The following RFX2 variants were observed in gnomAD, a reference collection of about 807,000 sequenced individuals.
RFX2 encodes the protein regulatory factor X2.
A neutral mutation model predicts 87.8 loss-of-function variants in RFX2; 20 were observed. That is an observed-to-expected ratio of 0.23 (90% CI 0.16 to 0.33). RFX2 has a LOEUF of 0.33. Ranked by LOEUF, RFX2 falls within the 10% of genes least tolerant of loss-of-function variation. The probability of loss-of-function intolerance (pLI) is 1.00; values close to 1 mark genes in which losing one functional copy is unlikely to be tolerated. For missense variants in RFX2, 767 were observed against 1,012.3 expected (o/e 0.76, Z 3.29); for synonymous variants, 397 against 431.3 (o/e 0.92, Z 0.98).
At chr19:6,053,955 CA>C (rs553721219) in intron 1 of RFX2, among the ~76,000 whole-genome samples, 2,702 of 48,046 alleles carry the variant, frequency 0.056, 19 homozygotes, top group African/African-American at 0.13. Context: ...GACTCTATCT[CA>C]AAAAAAAAAA....
chr19:6,098,965 C>CAAAAAAAAAAAAAAAA (rs34110529), intron 1 of RFX2, among the ~76,000 whole-genome samples: 1 of 52,730 alleles, frequency 1.9e-5, no homozygotes, highest in Non-Finnish European at 4.3e-5. Context: ...GCTTGAACCA[C>CAAAAAAAAAAAAAAAA]AAAAAAAAAA....
intron 5 of RFX2, among the ~76,000 whole-genome samples, chr19:6,036,803 C>T (rs78740160): frequency 1.1e-3 from 170 of 152,280 alleles, no homozygotes; most frequent in Non-Finnish European, 1.7e-3. Flanking sequence ...GACAGACTGA[C>T]GGCTTTTCCC....
At chr19:6,041,096 T>C (rs1197298034) in intron 4 of RFX2, among the ~76,000 whole-genome samples, 1 of 151,962 alleles carries the variant, frequency 6.6e-6, no homozygotes, top group Non-Finnish European at 1.5e-5. Context: ...TGAGACAGGG[T>C]CTCCTTCTGT....
At chr19:6,059,716 C>T (rs1475050118) in intron 1 of RFX2, among the ~76,000 whole-genome samples, 2 of 151,922 alleles carry the variant, frequency 1.3e-5, no homozygotes, top group Non-Finnish European at 2.9e-5. Context: ...CACAAATATA[C>T]ATGGACATAC....
At chr19:6,070,828 C>T (rs2087596682) in intron 1 of RFX2, among the ~76,000 whole-genome samples, 1 of 152,194 alleles carries the variant, frequency 6.6e-6, no homozygotes, top group Non-Finnish European at 1.5e-5. Flanking sequence ...CTGCCTTAGC[C>T]TCCCATGTAG....
At position 6,001,690 on chromosome 19, in the gene RFX2, C is replaced by T. The variant is rs1381077619; in HGVS notation, c.1859+125G>A. 2.5e-6 allele frequency: 2 copies of T among 803,888 alleles called. No individual in the cohort carries two copies. The highest frequency in any genetic ancestry group is 3.5e-5 in the African/African-American group (2 of 56,698). 49.8% of individuals were successfully genotyped at this position (803,888 alleles called of 1,614,324 possible). A position where few individuals can be genotyped will look rare whatever the true frequency, so the allele number is the denominator to read the frequency against. The stretch of plus-strand genomic sequence containing the variant: ...GGTAGTTGTTTTTTGCGGGTTCAGA[C>T]ACTGCTGCAACTCTGCTGAGCCCTG... On this transcript the variant is annotated intron_variant, in intron 15 of 17. Coordinates refer to ENST00000303657, the MANE Select transcript of RFX2 (RefSeq NM_000635.4). This position sits in a 1 kb window ranked among gnomAD's most constrained non-coding sequence, Gnocchi z 5.6.
Position 6,039,340 on chromosome 19 carries a change from AG to A in RFX2, c.522+639del, listed in dbSNP as rs2087069636. Among the ~76,000 whole-genome samples the A allele has an allele frequency of 6.6e-6, 1 of 152,204 alleles. No individual in the cohort carries two copies. Among genetic ancestry groups the A allele is most frequent in the Admixed American group, 6.5e-5 (1 of 15,276 alleles). Reference sequence around the variant, plus strand: ...GTTGTGACTGCCAAGAAATACCACGAGGGGGTTTTCAGGGCAATGCACTGTT... The same window carrying A: ...GTTGTGACTGCCAAGAAATACCACGAGGGGTTTTCAGGGCAATGCACTGTT... On this transcript the variant is annotated intron_variant, in intron 5 of 17. Transcript: ENST00000303657. The surrounding 1 kb of genome is among the most constrained non-coding windows in gnomAD (Gnocchi z 5.2).
chr19:6,013,154 C>T lies in RFX2; in HGVS notation c.780-49G>A. ...CAGCTCCCTTTGCAGATGTCCTGAACAACAAGACAGGTTGGGATTCTTTTT... is the reference window on the plus strand; with the variant it reads ...CAGCTCCCTTTGCAGATGTCCTGAATAACAAGACAGGTTGGGATTCTTTTT... On this transcript the variant is annotated intron_variant, in intron 7 of 17. Coordinates refer to ENST00000303657, the MANE Select transcript of RFX2 (RefSeq NM_000635.4). This position sits in a 1 kb window ranked among gnomAD's most constrained non-coding sequence, Gnocchi z 4.1. 1 of 1,514,938 alleles carries T rather than the reference C, an allele frequency of 6.6e-7. No homozygotes were observed. Among genetic ancestry groups the T allele is most frequent in the East Asian group, 2.4e-5 (1 of 40,870 alleles). The allele number at this position is 1,514,938 out of a possible 1,614,324, so 93.8% of individuals were successfully genotyped here. A position where few individuals can be genotyped will look rare whatever the true frequency, so the allele number is the denominator to read the frequency against.
In RFX2 at chr19:6,001,866, G is replaced by A. The variant is rs771131239; in HGVS notation, c.1808C>T (p.Pro603Leu). Reference sequence around the variant, plus strand: ...CTGCCGGGCGGCCTTGGGGAAGCTGGGGCTGCCGGCATGCTGCTTCAGGAC... The same window carrying A: ...CTGCCGGGCGGCCTTGGGGAAGCTGAGGCTGCCGGCATGCTGCTTCAGGAC... ...TQVLKQHAGS[P>L]SFPKAARQFL... Residue 603 changes from proline to leucine, a missense_variant, in exon 15 of 18, where the codon CCC becomes CTC. Pro to Leu is a moderately conservative substitution (Grantham distance 98, BLOSUM62 -3). Transcript: ENST00000303657. The surrounding 1 kb of genome is among the most constrained non-coding windows in gnomAD (Gnocchi z 5.6). 5.1e-5 allele frequency: 82 copies of A among 1,613,006 alleles called. No individual in the cohort carries two copies. The highest frequency in any genetic ancestry group is 6.2e-5 in the Non-Finnish European group (73 of 1,179,736).
chr19:6,009,394 T>C (rs1163882927), intron 9 of RFX2, among the ~76,000 whole-genome samples: 1 of 151,944 alleles, frequency 6.6e-6, no homozygotes, highest in Non-Finnish European at 1.5e-5. Context: ...GGGGCAGAGA[T>C]GGCACCACCA....
chr19:6,006,917 T>C, intron 12 of RFX2, 95 bp downstream of exon 12: 2 of 1,416,616 alleles, frequency 1.4e-6, no homozygotes, highest in East Asian at 4.6e-5. Flanking sequence ...GTGAAAGCGA[T>C]GGTCTGAGGT....
Position 6,002,033 on chromosome 19 carries a change from G to A in RFX2, c.1651-10C>T. 1 of 1,594,524 alleles carries A rather than the reference G, an allele frequency of 6.3e-7. No homozygotes were observed. Among genetic ancestry groups the A allele is most frequent in the Non-Finnish European group, 8.5e-7 (1 of 1,170,774 alleles). On this transcript the variant is annotated splice_polypyrimidine_tract_variant and intron_variant, in intron 14 of 17. Coordinates refer to ENST00000303657, the MANE Select transcript of RFX2 (RefSeq NM_000635.4). The surrounding 1 kb of genome is among the most constrained non-coding windows in gnomAD (Gnocchi z 6.7). ...CCCACGAGGCCTGCTCCTGTGGGCA[G>A]GGCAGAGGCCAGTGTCAGCAATGTG...
At chr19:6,062,781 C>A (rs2087455686) in intron 1 of RFX2, among the ~76,000 whole-genome samples, 1 of 152,216 alleles carries the variant, frequency 6.6e-6, no homozygotes, top group African/African-American at 2.4e-5. Flanking sequence ...AAGTGCTCTT[C>A]ATTCATTCTC....
intron 5 of RFX2, among the ~76,000 whole-genome samples, chr19:6,029,933 G>A (rs1314069787): frequency 6.6e-6 from 1 of 152,200 alleles, no homozygotes; most frequent in Non-Finnish European, 1.5e-5. Context: ...AGATTACCCA[G>A]TCTGAGGAGC....
intron 1 of RFX2, among the ~76,000 whole-genome samples, chr19:6,071,394 G>T (rs531388851): frequency 6.6e-6 from 1 of 152,164 alleles, no homozygotes; most frequent in Non-Finnish European, 1.5e-5. Flanking sequence ...TTAAGTGATC[G>T]TCTATCTTTG....
intron 5 of RFX2, among the ~76,000 whole-genome samples, chr19:6,032,116 T>G (rs1425187819): frequency 1.3e-5 from 2 of 152,124 alleles, no homozygotes; most frequent in African/African-American, 4.8e-5. Context: ...AGATTGTTTT[T>G]ATTTTATTAT....
Position 6,026,123 on chromosome 19 carries a change from G to A in RFX2, c.597+40C>T. On this transcript the variant is annotated intron_variant, in intron 6 of 17. Coordinates refer to ENST00000303657, the MANE Select transcript of RFX2 (RefSeq NM_000635.4). The surrounding 1 kb of genome is among the most constrained non-coding windows in gnomAD (Gnocchi z 4.5). ...TTAAAAATGTCTATGCAGGTTACAAGCAGAGCAGGGACAGGTTGCCAGGTC... is the reference window on the plus strand; with the variant it reads ...TTAAAAATGTCTATGCAGGTTACAAACAGAGCAGGGACAGGTTGCCAGGTC... The A allele has an allele frequency of 6.5e-7, 1 of 1,537,608 alleles. No individual in the cohort carries two copies. The highest frequency in any genetic ancestry group is 9.0e-7 in the Non-Finnish European group (1 of 1,114,000).
At chr19:6,065,552 C>T (rs531538144) in intron 1 of RFX2, among the ~76,000 whole-genome samples, 3 of 152,028 alleles carry the variant, frequency 2.0e-5, no homozygotes, top group Admixed American at 1.3e-4. Context: ...GAGGCTGAGG[C>T]GGAAGAATGG....
At chr19:6,054,043 A>G (rs2144792229) in intron 1 of RFX2, among the ~76,000 whole-genome samples, 1 of 152,138 alleles carries the variant, frequency 6.6e-6, no homozygotes, top group African/African-American at 2.4e-5. Context: ...GAAAACCCAA[A>G]TTGCCAATAT....
Sources: allele counts gnomAD v4.1 joint callset (sites outside exome capture counted in the v4.1 genomes callset), GRCh38; gene constraint gnomAD v4.1.1; non-coding constraint Gnocchi (gnomAD v3.1); transcripts MANE v1.5; gene names NCBI Gene and HGNC (gene_info 2026-07-23, HGNC 2026-07-21).